RGS3: variants seen among roughly 807,000 people sequenced by gnomAD.
RGS3 encodes the protein regulator of G protein signaling 3.
Under a neutral mutation model 132.6 loss-of-function variants are expected in RGS3, and 80 were observed. The ratio of observed to expected loss-of-function variants is 0.60; its 90% CI spans 0.50 to 0.73. RGS3 has a LOEUF of 0.73. RGS3 is among the 30% of genes least tolerant of loss of function. The pLI, the probability that RGS3 is intolerant of heterozygous loss-of-function variation, is 0.00. For missense variants in RGS3, 1,382 were observed against 1,530.8 expected, an observed-to-expected ratio of 0.90 and a Z score of 1.62; for synonymous variants, 598 against 620.6, an observed-to-expected ratio of 0.96 and a Z score of 0.54.
At chr9:113,563,778 T>C in intron 19 of RGS3, among the ~76,000 whole-genome samples, 1 of 152,174 alleles carries the variant, frequency 6.6e-6, no homozygotes, top group African/African-American at 2.4e-5. Flanking sequence ...GCAGTGTGCA[T>C]GTATATGCTT....
chr9:113,574,330 C>T (rs1834416298), intron 19 of RGS3, among the ~76,000 whole-genome samples: 1 of 152,202 alleles, frequency 6.6e-6, no homozygotes, highest in Admixed American at 6.5e-5. Context: ...TATCCTGTCC[C>T]ATCTTTTCCC....
chr9:113,585,996 G>A (rs1270668776), intron 20 of RGS3, among the ~76,000 whole-genome samples: 1 of 152,194 alleles, frequency 6.6e-6, no homozygotes, highest in East Asian at 1.9e-4. Context: ...AATCACCAAG[G>A]GGAGGTAATT....
intron 3 of RGS3, chr9:113,479,002 A>G (rs918576967): frequency 2.4e-5 from 4 of 166,836 alleles, no homozygotes; most frequent in African/African-American, 9.6e-5. Context: ...ACAATGCTGT[A>G]GTGCCAGCCT....
At chr9:113,541,190 G>A (rs1352728314) in intron 19 of RGS3, 3 of 890,292 alleles carry the variant, frequency 3.4e-6, no homozygotes, top group East Asian at 2.6e-5. Flanking sequence ...CTCCACTGGG[G>A]CCACTAGAGA....
At chr9:113,515,004 G>A (rs1013588749) in intron 15 of RGS3, among the ~76,000 whole-genome samples, 3 of 152,088 alleles carry the variant, frequency 2.0e-5, no homozygotes, top group African/African-American at 7.2e-5. Context: ...CTCACCCAGT[G>A]GTTTTTTATT....
intron 7 of RGS3, among the ~76,000 whole-genome samples, chr9:113,488,961 G>A (rs1181469055): frequency 1.3e-5 from 2 of 152,244 alleles, no homozygotes; most frequent in Admixed American, 6.5e-5. Context: ...CTCTCTGAAG[G>A]ATGGACATTC....
At chr9:113,572,139 A>G (rs891556070) in intron 19 of RGS3, among the ~76,000 whole-genome samples, 7 of 151,954 alleles carry the variant, frequency 4.6e-5, no homozygotes, top group Admixed American at 2.6e-4. Context: ...GGCTGGAGGG[A>G]AAAGAGGAGA....
intron 19 of RGS3, among the ~76,000 whole-genome samples, chr9:113,568,814 A>G (rs558129467): frequency 6.6e-6 from 1 of 152,378 alleles, no homozygotes; most frequent in Admixed American, 6.5e-5. Context: ...AGCCAGGCTC[A>G]GCCTCAGGGA....
intron 23 of RGS3, 163 bp from the exon 22 acceptor site, chr9:113,595,436 G>A (rs1029324215): frequency 4.4e-6 from 3 of 677,110 alleles, no homozygotes; most frequent in Non-Finnish European, 4.9e-6. Flanking sequence ...AGAGGCAGTG[G>A]CAGGGCTGGG....
At chr9:113,539,309 T>C (rs1832806906) in intron 19 of RGS3, among the ~76,000 whole-genome samples, 1 of 152,202 alleles carries the variant, frequency 6.6e-6, no homozygotes, top group Non-Finnish European at 1.5e-5. Flanking sequence ...ATAAGGGTCC[T>C]GCTGGACCGA....
At chr9:113,587,014 AT>A (rs1032081692) in intron 20 of RGS3, among the ~76,000 whole-genome samples, 7 of 152,076 alleles carry the variant, frequency 4.6e-5, no homozygotes, top group Non-Finnish European at 1.0e-4. Flanking sequence ...CTGTGCCGCC[AT>A]TCGAAGTACC....
intron 21 of RGS3, among the ~76,000 whole-genome samples, chr9:113,593,210 T>C (rs2119047228): frequency 6.6e-6 from 1 of 152,356 alleles, no homozygotes; most frequent in Middle Eastern, 3.4e-3. Flanking sequence ...CAGCCTCCCC[T>C]GCAGGACTCT....
intron 19 of RGS3, among the ~76,000 whole-genome samples, chr9:113,544,702 A>G (rs954186874): frequency 2.0e-5 from 3 of 152,218 alleles, no homozygotes; most frequent in African/African-American, 7.2e-5. Context: ...TGTTTTATGG[A>G]TGAAAGACAC....
chr9:113,590,026 A>C (rs560665023), intron 20 of RGS3: 1 of 152,348 alleles, frequency 6.6e-6, no homozygotes, highest in East Asian at 1.9e-4. Context: ...GTGGGGCAGC[A>C]TTCTCAGGAA....
At chr9:113,534,389 C>T (rs1313102544) in intron 18 of RGS3, among the ~76,000 whole-genome samples, 2 of 152,110 alleles carry the variant, frequency 1.3e-5, no homozygotes, top group East Asian at 3.9e-4. Context: ...GGATTTGTTC[C>T]AGGACCCCAC....
intron 19 of RGS3, chr9:113,582,104 C>T (rs1463608690): frequency 7.1e-6 from 7 of 985,376 alleles, no homozygotes; most frequent in African/African-American, 1.7e-5. Flanking sequence ...GTGTGTGCAG[C>T]AGCCTGCAGC....
At chr9:113,524,820 T>A (rs7042695) in intron 17 of RGS3, among the ~76,000 whole-genome samples, 18,137 of 152,200 alleles carry the variant, frequency 0.12, 1,296 homozygotes, top group African/African-American at 0.19. Context: ...GGGGGCCTGG[T>A]TGGGGAATTG....
chr9:113,521,434 G>A (rs548559681), intron 16 of RGS3, among the ~76,000 whole-genome samples: 45 of 152,350 alleles, frequency 3.0e-4, no homozygotes, highest in African/African-American at 1.1e-3. Context: ...GGAGTGAGGA[G>A]TGTGGCATCT....
In RGS3 at chr9:113,541,497, A is replaced by T. The variant is rs41306696; in HGVS notation, c.2037+4579A>T. Reference sequence around the variant, plus strand: ...CTTGGGCATCCCCTACCACACAGTAACCTCACCTCAACTGGACCTGAAACA... The same window carrying T: ...CTTGGGCATCCCCTACCACACAGTATCCTCACCTCAACTGGACCTGAAACA... On this transcript the variant is annotated intron_variant, in intron 19 of 24. Coordinates refer to ENST00000350696, the Ensembl canonical transcript of RGS3. 8.4e-3 allele frequency: 13,303 copies of T among 1,576,952 alleles called. 81 individuals carry two copies. Among genetic ancestry groups the T allele is most frequent in the Non-Finnish European group, 0.01 (11,751 of 1,160,152 alleles).
Sources: gnomAD v4.1 joint callset for allele counts (sites outside exome capture counted in the v4.1 genomes callset) on GRCh38, gnomAD v4.1.1 for gene constraint, MANE v1.5 for transcripts, NCBI Gene and HGNC (gene_info 2026-07-23, HGNC 2026-07-21) for gene names.